The following CACNA2D3 variants were observed in gnomAD, a reference collection of about 807,000 sequenced individuals.
CACNA2D3 encodes the protein calcium voltage-gated channel auxiliary subunit alpha2delta 3.
Under a neutral mutation model 160.6 loss-of-function variants are expected in CACNA2D3, and 60 were observed. The ratio of observed to expected loss-of-function variants is 0.37; its 90% CI spans 0.30 to 0.46. The LOEUF (loss-of-function observed/expected upper bound fraction) is 0.46. Among genes scored for constraint, CACNA2D3 ranks in the 20% least tolerant of loss-of-function variants. CACNA2D3 has a pLI of 1.00. For missense variants in CACNA2D3, 1,205 were observed against 1,365.0 expected, an observed-to-expected ratio of 0.88 and a Z score of 1.85; for synonymous variants, 558 against 492.9, an observed-to-expected ratio of 1.13 and a Z score of -1.75.
chr3:55,052,580 G>T (rs1338958775), intron 35 of CACNA2D3, among the ~76,000 whole-genome samples: 1 of 152,098 alleles, frequency 6.6e-6, no homozygotes, highest in Non-Finnish European at 1.5e-5. Context: ...CAAGAGAGGA[G>T]TGTTGCAGTC....
chr3:54,183,892 G>GAAAAAAAAAAAAAAAAAAAAA (rs58956795), intron 2 of CACNA2D3, among the ~76,000 whole-genome samples: 1 of 80,754 alleles, frequency 1.2e-5, no homozygotes, highest in African/African-American at 5.1e-5. Context: ...TCTCAAAAAA[G>GAAAAAAAAAAAAAAAAAAAAA]AAAAAAAAAA....
intron 9 of CACNA2D3, among the ~76,000 whole-genome samples, chr3:54,616,631 G>A (rs10510769): frequency 0.18 from 26,736 of 152,154 alleles, 2,919 homozygotes; most frequent in Non-Finnish European, 0.24. Context: ...AAGGGACGTC[G>A]ATGTAGATGG....
At chr3:54,932,591 A>T (rs1366137074) in intron 27 of CACNA2D3, among the ~76,000 whole-genome samples, 4 of 152,220 alleles carry the variant, frequency 2.6e-5, no homozygotes, top group African/African-American at 9.6e-5. Flanking sequence ...GTGTAAATAT[A>T]GCATGCCTAG....
At chr3:54,837,281 C>A in intron 15 of CACNA2D3, 51 bp downstream of exon 15, 1 of 1,432,034 alleles carries the variant, frequency 7.0e-7, no homozygotes, top group South Asian at 1.1e-5. Context: ...GTGGTTTTCT[C>A]AGACCCCCTC....
chr3:54,383,463 A>G (rs1699140075), intron 3 of CACNA2D3, among the ~76,000 whole-genome samples: 1 of 152,188 alleles, frequency 6.6e-6, no homozygotes, highest in Non-Finnish European at 1.5e-5. Context: ...TTTGCTTCAT[A>G]AGAAACAACC....
intron 17 of CACNA2D3, among the ~76,000 whole-genome samples, chr3:54,855,544 GGAAA>G (rs1699150453): frequency 6.6e-6 from 1 of 151,706 alleles, no homozygotes; most frequent in South Asian, 2.1e-4. Flanking sequence ...TACTCTGCCA[GGAAA>G]GAAAGAGAGA....
In CACNA2D3 at chr3:54,894,889, A is replaced by C. The variant is rs575479096; in HGVS notation, c.2247-1860A>C. 164 of 319,826 alleles carry C rather than the reference A, an allele frequency of 5.1e-4. 1 individual carries two copies. Among genetic ancestry groups the C allele is most frequent in the African/African-American group, 3.4e-3 (156 of 46,338 alleles). 19.8% of individuals were successfully genotyped at this position (319,826 alleles called of 1,614,324 possible). ...TACCAAGATGAGCCTGGAAGTCCTG[A>C]TCTCCAGCATTCTAGATAGCACAGG... is the stretch of plus-strand genomic sequence containing the variant. On this transcript the variant is annotated intron_variant, in intron 25 of 37. Transcript: ENST00000474759.
chr3:55,033,828 TAA>T (rs5849067), intron 35 of CACNA2D3, among the ~76,000 whole-genome samples: 6,736 of 56,264 alleles, frequency 0.12, 235 homozygotes, highest in Admixed American at 0.15. Flanking sequence ...TAAATATATT[TAA>T]TATATAATAT....
intron 35 of CACNA2D3, among the ~76,000 whole-genome samples, chr3:55,033,795 T>A (rs1010501881): frequency 2.0e-4 from 26 of 129,008 alleles, no homozygotes; most frequent in Non-Finnish European, 2.7e-4. Flanking sequence ...TTAAATATAT[T>A]TTATATAATA....
At chr3:54,928,082 T>C (rs757772328) in intron 27 of CACNA2D3, 2 of 639,540 alleles carry the variant, frequency 3.1e-6, no homozygotes, top group Admixed American at 2.5e-5. Flanking sequence ...CAAAAGACCA[T>C]TTATTTAAGC....
intron 29 of CACNA2D3, among the ~76,000 whole-genome samples, chr3:54,970,497 CCTCCCCTCCT>C (rs1559450844): frequency 5.9e-4 from 1 of 1,682 alleles, no homozygotes. Flanking sequence ...CTTCCCCTCC[CCTCCCCTCCT>C]CTCCCCTCCC....
At chr3:54,402,187 A>T (rs953005141) in intron 4 of CACNA2D3, among the ~76,000 whole-genome samples, 1 of 152,204 alleles carries the variant, frequency 6.6e-6, no homozygotes, top group Non-Finnish European at 1.5e-5. Context: ...TTACTAGATT[A>T]CAAAGATAAA....
chr3:54,835,157 C>G (rs1698650759), intron 14 of CACNA2D3, among the ~76,000 whole-genome samples: 1 of 152,130 alleles, frequency 6.6e-6, no homozygotes, highest in Non-Finnish European at 1.5e-5. Context: ...CTTCATTTTA[C>G]TTGTCACGGA....
chr3:54,132,423 A>G lies in CACNA2D3; in HGVS notation c.204+8829A>G, dbSNP rs189418618. Among the ~76,000 whole-genome samples, 12 of 152,354 alleles carry G rather than the reference A, an allele frequency of 7.9e-5. No homozygotes were observed. In the East Asian group the frequency reaches 2.1e-3, roughly 27 times the overall value. ...AGTAAATACTGGTAACTAATTTAAA[A>G]TTCCAGAGTGTGTGGCCAAGTTCGA... On this transcript the variant is annotated intron_variant, in intron 2 of 37. Transcript: ENST00000474759.
chr3:54,341,343 G>A (rs1698336850), intron 3 of CACNA2D3, among the ~76,000 whole-genome samples: 1 of 152,142 alleles, frequency 6.6e-6, no homozygotes, highest in Non-Finnish European at 1.5e-5. Context: ...TAGATCCTCT[G>A]AGCCAGTTGC....
chr3:54,326,058 G>A (rs760264773), intron 3 of CACNA2D3, among the ~76,000 whole-genome samples: 1 of 152,070 alleles, frequency 6.6e-6, no homozygotes, highest in Non-Finnish European at 1.5e-5. Flanking sequence ...TAGCTTTACT[G>A]TGGAAAGTAA....
chr3:54,150,698 A>G (rs1286645717), intron 2 of CACNA2D3, among the ~76,000 whole-genome samples: 1 of 152,274 alleles, frequency 6.6e-6, no homozygotes, highest in Non-Finnish European at 1.5e-5. Context: ...CGTAAGTCAT[A>G]CATGAAAACA....
At chr3:54,561,256 A>C (rs768126972) in intron 5 of CACNA2D3, among the ~76,000 whole-genome samples, 8 of 152,190 alleles carry the variant, frequency 5.3e-5, no homozygotes, top group Non-Finnish European at 8.8e-5. Context: ...TGCTTGGAGC[A>C]GTGGTTTGTA....
At chr3:54,223,560 A>C (rs1442584601) in intron 2 of CACNA2D3, among the ~76,000 whole-genome samples, 1 of 152,156 alleles carries the variant, frequency 6.6e-6, no homozygotes, top group Non-Finnish European at 1.5e-5. Context: ...CACTTTATAC[A>C]AAATTATTTT....
Sources: gnomAD v4.1 joint callset for allele counts (sites outside exome capture counted in the v4.1 genomes callset) on GRCh38, gnomAD v4.1.1 for gene constraint, MANE v1.5 for transcripts, NCBI Gene and HGNC (gene_info 2026-07-23, HGNC 2026-07-21) for gene names.